The following RIMS2 variants were observed in gnomAD, a reference collection of about 807,000 sequenced individuals.
RIMS2 encodes regulating synaptic membrane exocytosis 2.
In RIMS2, 59 loss-of-function variants were observed where a neutral mutation model predicts 174.4. The ratio of observed to expected loss-of-function variants is 0.34; its 90% CI spans 0.27 to 0.42. The LOEUF (loss-of-function observed/expected upper bound fraction) is 0.42, where lower values mean the gene tolerates loss of function less well. Ranked by LOEUF, RIMS2 falls within the 10% of genes least tolerant of loss-of-function variation. The pLI is 1.00. For synonymous variants in RIMS2, 606 were observed against 572.5 expected, an observed-to-expected ratio of 1.06 and a Z score of -0.84; for missense variants, 1,620 against 1,666.3, an observed-to-expected ratio of 0.97 and a Z score of 0.48.
At chr8:103,587,086 C>T (rs2093963021) in intron 1 of RIMS2, among the ~76,000 whole-genome samples, 3 of 151,762 alleles carry the variant, frequency 2.0e-5, no homozygotes, top group Non-Finnish European at 4.4e-5. Context: ...AACTATATTC[C>T]AATAAATTGG....
chr8:104,078,180 T>G (rs75480041), intron 19 of RIMS2, among the ~76,000 whole-genome samples: 3,145 of 151,760 alleles, frequency 0.021, 48 homozygotes, highest in Middle Eastern at 0.11. Flanking sequence ...AAAAAACACT[T>G]GATGGTAACT....
intron 19 of RIMS2, among the ~76,000 whole-genome samples, chr8:104,154,289 T>C (rs1447066): frequency 0.28 from 42,930 of 151,992 alleles, 6,223 homozygotes; most frequent in Non-Finnish European, 0.32. Context: ...ATTTTTCTGT[T>C]ACAGTCTAGA....
intron 1 of RIMS2, among the ~76,000 whole-genome samples, chr8:103,588,838 T>C (rs11786775): frequency 0.18 from 27,643 of 151,708 alleles, 2,757 homozygotes; most frequent in African/African-American, 0.26. Flanking sequence ...ATATTTAGGA[T>C]ATTGGTCTGG....
At chr8:103,769,132 G>C (rs746641398) in intron 3 of RIMS2, 14 of 169,752 alleles carry the variant, frequency 8.2e-5, no homozygotes, top group Non-Finnish European at 1.5e-4. Flanking sequence ...ATAGCTTTTT[G>C]TGGAGCTTAG....
chr8:103,879,589 A>G (rs1040264143), intron 3 of RIMS2, among the ~76,000 whole-genome samples: 8 of 151,592 alleles, frequency 5.3e-5, no homozygotes, highest in Non-Finnish European at 1.2e-4. Flanking sequence ...CTCTGTCCAC[A>G]TCTTCCCCCC....
intron 3 of RIMS2, among the ~76,000 whole-genome samples, chr8:103,883,950 CT>C (rs1272479338): frequency 1.3e-5 from 2 of 151,822 alleles, no homozygotes; most frequent in African/African-American, 4.8e-5. Context: ...CATCTTCAGG[CT>C]AAGATCATCA....
chr8:104,192,395 A>G (rs1020860944), intron 19 of RIMS2, among the ~76,000 whole-genome samples: 1 of 152,164 alleles, frequency 6.6e-6, no homozygotes, highest in East Asian at 1.9e-4. Context: ...CATAACAATC[A>G]TATTTTGATG....
intron 1 of RIMS2, among the ~76,000 whole-genome samples, chr8:103,510,993 T>C (rs966541878): frequency 6.6e-6 from 1 of 152,194 alleles, no homozygotes; most frequent in African/African-American, 2.4e-5. Flanking sequence ...TAAAAAGTAT[T>C]TTGTATTCAG....
intron 19 of RIMS2, among the ~76,000 whole-genome samples, chr8:104,136,958 A>T (rs2098526026): frequency 6.6e-6 from 1 of 152,214 alleles, no homozygotes; most frequent in African/African-American, 2.4e-5. Flanking sequence ...GTTAAAAAAA[A>T]TTCAATTGTA....
At chr8:104,079,973 A>G (rs764605083) in intron 19 of RIMS2, among the ~76,000 whole-genome samples, 5 of 152,018 alleles carry the variant, frequency 3.3e-5, no homozygotes, top group Non-Finnish European at 7.4e-5. Context: ...TATCAATATA[A>G]GAACAAAATA....
At chr8:103,725,506 A>G (rs1034959749) in intron 2 of RIMS2, among the ~76,000 whole-genome samples, 1 of 152,194 alleles carries the variant, frequency 6.6e-6, no homozygotes, top group Admixed American at 6.5e-5. Flanking sequence ...TCCTCTTTCA[A>G]TTCAAAATCT....
intron 19 of RIMS2, among the ~76,000 whole-genome samples, chr8:104,183,898 A>G (rs2098954243): frequency 6.6e-6 from 1 of 151,678 alleles, no homozygotes; most frequent in Admixed American, 6.6e-5. Flanking sequence ...ACTAGAGTTT[A>G]AAACTGTGAA....
intron 1 of RIMS2, among the ~76,000 whole-genome samples, chr8:103,600,348 T>G (rs1452134780): frequency 6.6e-6 from 1 of 152,058 alleles, no homozygotes; most frequent in African/African-American, 2.4e-5. Flanking sequence ...TGGCTCACTG[T>G]AACCTCTGCC....
Position 103,886,243 on chromosome 8 carries a change from A to G in RIMS2, c.1624+20A>G. 1 of 1,579,782 alleles carries G rather than the reference A, an allele frequency of 6.3e-7. No homozygotes were observed. Among genetic ancestry groups the G allele is most frequent in the Non-Finnish European group, 8.6e-7 (1 of 1,165,526 alleles). On this transcript the variant is annotated intron_variant, in intron 4 of 23. Coordinates refer to ENST00000504942, the Ensembl canonical transcript of RIMS2. The stretch of plus-strand genomic sequence containing the variant: ...AAAAAGGTAAGCTTTCTAATCATAC[A>G]TTTTGCTGTAATTGATTAGATAAGC...
At chr8:103,536,042 A>G (rs1385955912) in intron 1 of RIMS2, among the ~76,000 whole-genome samples, 1 of 152,228 alleles carries the variant, frequency 6.6e-6, no homozygotes, top group Non-Finnish European at 1.5e-5. Flanking sequence ...TAGCAAAAGT[A>G]GAAGCAGCTA....
intron 3 of RIMS2, among the ~76,000 whole-genome samples, chr8:103,803,894 G>T (rs906029208): frequency 7.9e-5 from 12 of 152,276 alleles, no homozygotes; most frequent in Middle Eastern, 3.4e-3. Flanking sequence ...ACAATCACAT[G>T]AGCTTGCAAA....
chr8:103,809,592 T>C (rs538976871), intron 3 of RIMS2, among the ~76,000 whole-genome samples: 1 of 152,142 alleles, frequency 6.6e-6, no homozygotes, highest in South Asian at 2.1e-4. Context: ...AGTGAATGAG[T>C]GAATTTTGAA....
chr8:103,669,766 A>G (rs1011260104), intron 1 of RIMS2, among the ~76,000 whole-genome samples: 2 of 152,166 alleles, frequency 1.3e-5, no homozygotes, highest in Non-Finnish European at 1.5e-5. Flanking sequence ...GTCTTGGACA[A>G]CTCTGCCCTG....
chr8:103,831,029 G>A (rs899405616), intron 3 of RIMS2, among the ~76,000 whole-genome samples: 2 of 152,078 alleles, frequency 1.3e-5, no homozygotes, highest in Non-Finnish European at 2.9e-5. Context: ...GTCTGGTCTC[G>A]AACTCCTGAG....
Sources: allele counts gnomAD v4.1 joint callset (sites outside exome capture counted in the v4.1 genomes callset), GRCh38; gene constraint gnomAD v4.1.1; transcripts MANE v1.5; gene names NCBI Gene and HGNC (gene_info 2026-07-23, HGNC 2026-07-21).